C1QTNF3: variants seen among roughly 807,000 people sequenced by gnomAD.
The protein encoded by C1QTNF3 is complement C1q tumor necrosis factor-related protein 3.
C1QTNF3 carries 26 observed loss-of-function variants against 32.6 expected under a neutral mutation model. The observed-to-expected ratio is 0.80, with a 90% CI of 0.58 to 1.11. C1QTNF3 has a LOEUF of 1.11. C1QTNF3 is among the 50% of genes least tolerant of loss of function. The pLI is 0.00. For missense variants in C1QTNF3, 362 were observed against 398.2 expected (o/e 0.91, Z 0.77); for synonymous variants, 155 against 146.0 (o/e 1.06, Z -0.44).
chr5:34,223,162 C>T, the C1QTNF3 span, among the ~76,000 whole-genome samples: 1 of 105,306 alleles, frequency 9.5e-6, no homozygotes, highest in Middle Eastern at 6.2e-3. Context: ...AATGCTATCC[C>T]TCCCCCCTCC....
the C1QTNF3 span, among the ~76,000 whole-genome samples, chr5:34,232,214 A>G: frequency 6.6e-6 from 1 of 151,770 alleles, no homozygotes; most frequent in Non-Finnish European, 1.5e-5. Context: ...TGATCCCTGT[A>G]CCCCCACTGT....
chr5:34,115,315 T>C, the C1QTNF3 span, among the ~76,000 whole-genome samples: 1 of 152,192 alleles, frequency 6.6e-6, no homozygotes, highest in African/African-American at 2.4e-5. Context: ...AAGATTCATT[T>C]AACAAATGTC....
At chr5:34,091,928 C>T in the C1QTNF3 span, among the ~76,000 whole-genome samples, 2 of 106,248 alleles carry the variant, frequency 1.9e-5, no homozygotes, top group African/African-American at 5.3e-5. Context: ...AATCATTGTG[C>T]TTTAAAAAAA....
chr5:34,124,626 C>T, the C1QTNF3 span: 1 of 498,384 alleles, frequency 2.0e-6, no homozygotes, highest in Non-Finnish European at 3.7e-6. Context: ...GATCCAATCA[C>T]CTCCCATCAC....
the C1QTNF3 span, among the ~76,000 whole-genome samples, chr5:34,208,676 A>G: frequency 2.6e-5 from 4 of 152,266 alleles, 1 homozygote; most frequent in Admixed American, 2.6e-4. Flanking sequence ...CAGTATATAC[A>G]GTGTAACATA....
At chr5:34,116,360 G>T in the C1QTNF3 span, among the ~76,000 whole-genome samples, 1 of 152,164 alleles carries the variant, frequency 6.6e-6, no homozygotes, top group Non-Finnish European at 1.5e-5. Context: ...AGTTAGTTGT[G>T]TGTTAAAATC....
chr5:34,168,729 G>C, the C1QTNF3 span: 1 of 152,096 alleles, frequency 6.6e-6, no homozygotes, highest in African/African-American at 2.4e-5. Flanking sequence ...ATAGTCACTA[G>C]GGGAGATATA....
intron 1 of C1QTNF3, among the ~76,000 whole-genome samples, chr5:34,036,585 T>A (rs973282165): frequency 6.6e-6 from 1 of 152,036 alleles, no homozygotes; most frequent in South Asian, 2.1e-4. Context: ...ATCTACATCT[T>A]GAAACAACTT....
At chr5:34,217,982 G>A in the C1QTNF3 span, among the ~76,000 whole-genome samples, 1 of 151,664 alleles carries the variant, frequency 6.6e-6, no homozygotes, top group Non-Finnish European at 1.5e-5. Context: ...CCTATTTACT[G>A]TTGTTAAGTC....
At position 34,020,767 on chromosome 5, in the gene C1QTNF3, T is replaced by C. The variant is rs541588672; in HGVS notation, c.801-25A>G. 272 of 1,602,768 alleles carry C rather than the reference T, an allele frequency of 1.7e-4. 2 individuals carry two copies. The South Asian group carries it at 2.9e-3, about 17-fold the overall frequency. On this transcript the variant is annotated intron_variant, in intron 5 of 5. Coordinates refer to ENST00000382065, the MANE Select transcript of C1QTNF3 (RefSeq NM_181435.6). ...GCTGGAAAGAAAAAGAGGAACAAACTACTTAGTTTTTGCCATGAACAACCA... is the reference window on the plus strand; with the variant it reads ...GCTGGAAAGAAAAAGAGGAACAAACCACTTAGTTTTTGCCATGAACAACCA...
chr5:34,162,371 C>G, the C1QTNF3 span, among the ~76,000 whole-genome samples: 2 of 152,102 alleles, frequency 1.3e-5, no homozygotes, highest in African/African-American at 2.4e-5. Flanking sequence ...GATATTAGTC[C>G]ATTCATGAGG....
chr5:34,027,931 T>C (rs1262839373), intron 4 of C1QTNF3, among the ~76,000 whole-genome samples: 1 of 152,184 alleles, frequency 6.6e-6, no homozygotes, highest in African/African-American at 2.4e-5. Context: ...CTAGCTTTTA[T>C]TTAGAAATAT....
chr5:34,224,305 A>G, the C1QTNF3 span, among the ~76,000 whole-genome samples: 1 of 152,242 alleles, frequency 6.6e-6, no homozygotes, highest in Non-Finnish European at 1.5e-5. Flanking sequence ...TAACTACTTT[A>G]AAGTTCATAT....
chr5:34,148,712 CCA>C, the C1QTNF3 span, among the ~76,000 whole-genome samples: 1 of 70,624 alleles, frequency 1.4e-5, no homozygotes, highest in African/African-American at 5.6e-5. Flanking sequence ...CTGTACATCA[CCA>C]TCATCAAAGA....
At chr5:34,045,366 G>C (rs1270814355), upstream of C1QTNF3, among the ~76,000 whole-genome samples, 2 of 152,236 alleles carry the variant, frequency 1.3e-5, no homozygotes, top group Non-Finnish European at 2.9e-5. Flanking sequence ...AATTGAGTCA[G>C]AATCTGTACT....
chr5:34,135,438 T>G, the C1QTNF3 span, among the ~76,000 whole-genome samples: 1 of 152,154 alleles, frequency 6.6e-6, no homozygotes, highest in Non-Finnish European at 1.5e-5. Flanking sequence ...CCTCATAAAA[T>G]GAGCTAGGGA....
chr5:34,088,322 T>A, the C1QTNF3 span, among the ~76,000 whole-genome samples: 1 of 152,234 alleles, frequency 6.6e-6, no homozygotes, highest in Non-Finnish European at 1.5e-5. Flanking sequence ...CATCTCTATG[T>A]CATATTAATG....
chr5:34,141,974 C>T, the C1QTNF3 span, among the ~76,000 whole-genome samples: 1 of 152,166 alleles, frequency 6.6e-6, no homozygotes, highest in Admixed American at 6.5e-5. Context: ...GTGGCCATTA[C>T]TCAAGCAGGG....
At chr5:34,036,244 T>C (rs951660443) in intron 1 of C1QTNF3, among the ~76,000 whole-genome samples, 1 of 152,204 alleles carries the variant, frequency 6.6e-6, no homozygotes, top group Non-Finnish European at 1.5e-5. Flanking sequence ...TAGATTAAGA[T>C]CTCTTAGAAA....
Sources: gnomAD v4.1 joint callset for allele counts (sites outside exome capture counted in the v4.1 genomes callset) on GRCh38, gnomAD v4.1.1 for gene constraint, MANE v1.5 for transcripts, NCBI Gene and HGNC (gene_info 2026-07-23, HGNC 2026-07-21) for gene names.